The following CAMKK1 variants were observed in gnomAD, a reference collection of about 807,000 sequenced individuals.
CAMKK1 encodes the protein calcium/calmodulin-dependent protein kinase kinase 1.
Under a neutral mutation model 63.5 loss-of-function variants are expected in CAMKK1, and 20 were observed. The observed-to-expected ratio is 0.32, with a 90% confidence interval of 0.22 to 0.46. The LOEUF (loss-of-function observed/expected upper bound fraction) is 0.46. Ranked by LOEUF, CAMKK1 falls within the 20% of genes least tolerant of loss-of-function variation. The pLI is 1.00. For synonymous variants in CAMKK1, 253 were observed against 269.0 expected (o/e 0.94, Z 0.58); for missense variants, 588 against 658.1 (o/e 0.89, Z 1.17).
chr17:3,862,549 G>A lies in CAMKK1; in HGVS notation c.1446-266C>T, dbSNP rs1234103270. 6.6e-6 allele frequency among the ~76,000 whole-genome samples: 1 copy of A among 152,152 alleles called. No homozygotes were observed. Among genetic ancestry groups the A allele is most frequent in the Non-Finnish European group, 1.5e-5 (1 of 68,042 alleles). The stretch of plus-strand genomic sequence containing the variant: ...TCTAAACCTCCCAGCACGGCCTCTG[G>A]AGCTGCTCACAGTCTGACCCAGCTG... On this transcript the variant is annotated intron_variant, in intron 15 of 15. Coordinates refer to ENST00000348335, the MANE Select transcript of CAMKK1 (RefSeq NM_032294.3). The surrounding 1 kb of genome is among the most constrained non-coding windows in gnomAD (Gnocchi z 4.1).
chr17:3,866,551 G>A (rs2054533682), intron 14 of CAMKK1, among the ~76,000 whole-genome samples: 2 of 152,222 alleles, frequency 1.3e-5, no homozygotes, highest in Non-Finnish European at 2.9e-5. Context: ...CCACAGACAC[G>A]CCGACTCACA....
At position 3,871,757 on chromosome 17, in the gene CAMKK1, T is replaced by G. The variant is rs191303558; in HGVS notation, c.1124+797A>C. On this transcript the variant is annotated intron_variant, in intron 12 of 15. Coordinates refer to ENST00000348335, the MANE Select transcript of CAMKK1 (RefSeq NM_032294.3). ...GCCTCCTGGGTTCAAGCAATTCTCGTGCTTCAGCCTCCCGAGTAGCTGGGA... is the reference window on the plus strand; with the variant it reads ...GCCTCCTGGGTTCAAGCAATTCTCGGGCTTCAGCCTCCCGAGTAGCTGGGA... Among the ~76,000 whole-genome samples, 201 of 151,242 alleles carry G rather than the reference T, an allele frequency of 1.3e-3. 10 individuals carry two copies. The highest frequency in any genetic ancestry group is 4.7e-3 in the African/African-American group (193 of 40,926).
chr17:3,891,752 G>A (rs1326659291), intron 1 of CAMKK1, among the ~76,000 whole-genome samples: 7 of 152,160 alleles, frequency 4.6e-5, no homozygotes, highest in Non-Finnish European at 7.3e-5. Context: ...AGGATGAGGC[G>A]AGGATGGAAG....
Position 3,885,731 on chromosome 17 carries a change from CT to C in CAMKK1, c.-43-2del, listed in dbSNP as rs1406878244. On this transcript the variant is annotated splice_acceptor_variant, in intron 1 of 15. Coordinates refer to ENST00000348335, the MANE Select transcript of CAMKK1 (RefSeq NM_032294.3). LOFTEE classifies it low-confidence loss of function (5UTR_SPLICE). ...TCTTCTGCGTAGCCTTGTTGGGAAC[CT>C]GAGAAAAGAAGGCAGAGAAGGCTTC... The C allele has an allele frequency of 2.5e-6, 4 of 1,601,802 alleles. No homozygotes were observed. Among genetic ancestry groups the C allele is most frequent in the Non-Finnish European group, 3.4e-6 (4 of 1,177,192 alleles).
chr17:3,871,339 T>TTTTG lies in CAMKK1; in HGVS notation c.1124+1214_1124+1215insCAAA, dbSNP rs1567617935. On this transcript the variant is annotated intron_variant, in intron 12 of 15. Coordinates refer to ENST00000348335, the MANE Select transcript of CAMKK1 (RefSeq NM_032294.3). ...TTTTTGTTTGTTGTTTTTTGTTTTTTTTTTTTTGTTTTTTTTTTTTTTTTT... is the reference window on the plus strand; with the variant it reads ...TTTTTGTTTGTTGTTTTTTGTTTTTTTTTGTTTTTTTGTTTTTTTTTTTTTTTTT... 1.8e-4 allele frequency among the ~76,000 whole-genome samples: 14 copies of TTTTG among 79,762 alleles called. 1 individual carries two copies. Among genetic ancestry groups the TTTTG allele is most frequent in the African/African-American group, 9.1e-4 (14 of 15,402 alleles). 52.3% of individuals were successfully genotyped at this position (79,762 alleles called of 152,430 possible).
intron 1 of CAMKK1, among the ~76,000 whole-genome samples, chr17:3,891,976 C>T (rs2055918844): frequency 6.6e-6 from 1 of 152,096 alleles, no homozygotes; most frequent in African/African-American, 2.4e-5. Context: ...GAAGGGTCCC[C>T]AGAGTGTGTG....
chr17:3,883,258 C>T lies in CAMKK1; in HGVS notation c.515-83G>A, dbSNP rs567858202. On this transcript the variant is annotated intron_variant, in intron 5 of 15. Transcript: ENST00000348335. This position sits in a 1 kb window ranked among gnomAD's most constrained non-coding sequence, Gnocchi z 4.7. ...CCCCAAACCAGTCTCAAGCAAGAGT[C>T]TTGCATGCCCGTGGTCTTGTCCCAA... 56 of 1,574,796 alleles carry T rather than the reference C, an allele frequency of 3.6e-5. No individual in the cohort carries two copies. The highest frequency in any genetic ancestry group is 4.1e-4 in the Middle Eastern group (2 of 4,822).
At position 3,892,893 on chromosome 17, in the gene CAMKK1, TCGTCCTCCTGCTCCTCGCCCG is replaced by T. The variant is rs2055955642; in HGVS notation, c.-44+25_-44+45del. The T allele has an allele frequency of 6.6e-6, 1 of 150,434 alleles. No individual in the cohort carries two copies. The highest frequency in any genetic ancestry group is 6.6e-5 in the Admixed American group (1 of 15,200). The allele number at this position is 150,434 out of a possible 1,614,324, so 9.3% of individuals were successfully genotyped here. On this transcript the variant is annotated intron_variant, in intron 1 of 15. Coordinates refer to ENST00000348335, the MANE Select transcript of CAMKK1 (RefSeq NM_032294.3). This position sits in a 1 kb window ranked among gnomAD's most constrained non-coding sequence, Gnocchi z 7.5. ...AGGCTCGGGGCAGGTGTTAAGGCGTTCGTCCTCCTGCTCCTCGCCCGCGTCCCCGCCCCGCCGATCCCTACC... is the reference window on the plus strand; with the variant it reads ...AGGCTCGGGGCAGGTGTTAAGGCGTTCGTCCCCGCCCCGCCGATCCCTACC...
rs537488615 is a variant in CAMKK1 at position 3,887,844 on chromosome 17, C to T, written c.-43-2114G>A. Reference sequence around the variant, plus strand: ...ACACCCTCCAGGACCCGCCAGGCTCCTCCCAGCAGGTGGCCCACCCCTCCG... The same window carrying T: ...ACACCCTCCAGGACCCGCCAGGCTCTTCCCAGCAGGTGGCCCACCCCTCCG... On this transcript the variant is annotated intron_variant, in intron 1 of 15. Transcript: ENST00000348335. This position sits in a 1 kb window ranked among gnomAD's most constrained non-coding sequence, Gnocchi z 6.1. 6.6e-6 allele frequency among the ~76,000 whole-genome samples: 1 copy of T among 152,298 alleles called. No homozygotes were observed. Among genetic ancestry groups the T allele is most frequent in the Admixed American group, 6.5e-5 (1 of 15,304 alleles).
Position 3,862,207 on chromosome 17 carries a change from G to A in CAMKK1, c.*4C>T, listed in dbSNP as rs970645105. 1 of 1,580,920 alleles carries A rather than the reference G, an allele frequency of 6.3e-7. No homozygotes were observed. The highest frequency in any genetic ancestry group is 8.6e-7 in the Non-Finnish European group (1 of 1,163,008). ...GCCGGGTGGCCCTGGGTGCATGCAGGGGCTCAGGATGCAGCCTCGTCTTCC... is the reference window on the plus strand; with the variant it reads ...GCCGGGTGGCCCTGGGTGCATGCAGAGGCTCAGGATGCAGCCTCGTCTTCC... On this transcript the variant is annotated 3_prime_UTR_variant, in exon 16 of 16. Coordinates refer to ENST00000348335, the MANE Select transcript of CAMKK1 (RefSeq NM_032294.3). The surrounding 1 kb of genome is among the most constrained non-coding windows in gnomAD (Gnocchi z 4.1).
Position 3,883,584 on chromosome 17 carries a change from T to C in CAMKK1, c.463-104A>G. ...CCGGAGAGGCACACTGGACATCTGC[T>C]ACTGGCCCTGAGGGTGTGGCCCAGG... On this transcript the variant is annotated intron_variant, in intron 4 of 15. Coordinates refer to ENST00000348335, the MANE Select transcript of CAMKK1 (RefSeq NM_032294.3). This position sits in a 1 kb window ranked among gnomAD's most constrained non-coding sequence, Gnocchi z 4.7. The C allele has an allele frequency of 1.0e-6, 1 of 970,160 alleles. No homozygotes were observed. The allele number at this position is 970,160 out of a possible 1,614,324, so 60.1% of individuals were successfully genotyped here. A position where few individuals can be genotyped will look rare whatever the true frequency, so the allele number is the denominator to read the frequency against.
At position 3,862,146 on chromosome 17, in the gene CAMKK1, A is replaced by T; in HGVS notation, c.*65T>A. The T allele has an allele frequency of 7.3e-7, 1 of 1,370,618 alleles. No homozygotes were observed. The highest frequency in any genetic ancestry group is 1.0e-6 in the Non-Finnish European group (1 of 991,664). 84.9% of individuals were successfully genotyped at this position (1,370,618 alleles called of 1,614,324 possible). ...TGCCTGCGGGGGCGGCTGTTGCATG[A>T]GGGGTGGGCCTCTGGAGGCGCGGGA... On this transcript the variant is annotated 3_prime_UTR_variant, in exon 16 of 16. Coordinates refer to ENST00000348335, the MANE Select transcript of CAMKK1 (RefSeq NM_032294.3). The surrounding 1 kb of genome is among the most constrained non-coding windows in gnomAD (Gnocchi z 4.1).
At chr17:3,880,625 A>T (rs1019853117) in intron 8 of CAMKK1, among the ~76,000 whole-genome samples, 191 bp from the exon 9 acceptor site, 9 of 152,208 alleles carry the variant, frequency 5.9e-5, no homozygotes, top group Admixed American at 6.5e-5. Flanking sequence ...CATAATTTCA[A>T]ATCAGCTTTC....
chr17:3,876,208 G>A lies in CAMKK1; in HGVS notation c.996+15C>T, dbSNP rs1333312004. The A allele has an allele frequency of 6.2e-7, 1 of 1,612,052 alleles. No homozygotes were observed. On this transcript the variant is annotated intron_variant, in intron 10 of 15. Transcript: ENST00000348335. ...CCCACTTGAACCCCAGCCTGGCCCA[G>A]GGCCTGCGAGTCACCTTCCCACTGA... is the stretch of plus-strand genomic sequence containing the variant.
intron 1 of CAMKK1, among the ~76,000 whole-genome samples, chr17:3,888,712 G>A (rs900116798): frequency 1.3e-5 from 2 of 152,352 alleles, no homozygotes; most frequent in South Asian, 2.1e-4. Context: ...GAGGGCTGAC[G>A]TCAGGCTCCC....
At chr17:3,869,679 G>A in intron 13 of CAMKK1, 64 bp from the exon 14 acceptor site, 1 of 1,611,810 alleles carries the variant, frequency 6.2e-7, no homozygotes, top group Non-Finnish European at 8.5e-7. Context: ...TCACCTGGAG[G>A]GGTCCAAAGT....
At position 3,873,478 on chromosome 17, in the gene CAMKK1, C is replaced by G. The variant is rs759466134; in HGVS notation, c.997-16G>C. 6.8e-6 allele frequency: 11 copies of G among 1,613,852 alleles called. No individual in the cohort carries two copies. In the South Asian group the frequency reaches 1.1e-4, roughly 16 times the overall value. Reference sequence around the variant, plus strand: ...CATCCAAGGCCTGGAAAGAAACATGCTCACATCAGTCCCCAACAGGCACAG... The same window carrying G: ...CATCCAAGGCCTGGAAAGAAACATGGTCACATCAGTCCCCAACAGGCACAG... On this transcript the variant is annotated splice_polypyrimidine_tract_variant and intron_variant, in intron 10 of 15. Coordinates refer to ENST00000348335, the MANE Select transcript of CAMKK1 (RefSeq NM_032294.3).
intron 1 of CAMKK1, 102 bp from the exon 2 acceptor site, chr17:3,885,832 G>A: frequency 8.4e-7 from 1 of 1,196,052 alleles, no homozygotes; most frequent in South Asian, 1.5e-5. Flanking sequence ...CCTTTGCCCT[G>A]GCTGTTCCCT....
intron 1 of CAMKK1, among the ~76,000 whole-genome samples, chr17:3,888,831 C>T (rs934248298): frequency 3.9e-5 from 6 of 152,286 alleles, no homozygotes; most frequent in Non-Finnish European, 8.8e-5. Flanking sequence ...GAGACAGGGC[C>T]TGGCGCCCCG....
Sources: gnomAD v4.1 joint callset for allele counts (sites outside exome capture counted in the v4.1 genomes callset) on GRCh38, gnomAD v4.1.1 for gene constraint, Gnocchi (gnomAD v3.1) non-coding constraint, MANE v1.5 for transcripts, NCBI Gene and HGNC (gene_info 2026-07-23, HGNC 2026-07-21) for gene names.